Variants in WNT5A observed in about 807,000 individuals in gnomAD.
WNT5A encodes the protein Wnt family member 5A.
A neutral mutation model predicts 42.1 loss-of-function variants in WNT5A; 9 were observed. That is an observed-to-expected ratio of 0.21 (90% CI 0.13 to 0.37). WNT5A has a LOEUF of 0.37. Among genes scored for constraint, WNT5A ranks in the 10% least tolerant of loss-of-function variants. WNT5A has a pLI of 1.00. For synonymous variants in WNT5A, 210 were observed against 210.0 expected (o/e 1.00, Z 0.00); for missense variants, 426 against 534.0 (o/e 0.80, Z 1.99).
upstream of WNT5A, chr3:55,493,810 A>T (rs2051687290): frequency 6.6e-6 from 1 of 152,240 alleles, no homozygotes; most frequent in African/African-American, 2.4e-5. Flanking sequence ...ATGTGTCCCC[A>T]CTTTTTCCCT....
chr3:55,474,994 C>T (rs9823604), intron 3 of WNT5A, among the ~76,000 whole-genome samples: 44 of 151,910 alleles, frequency 2.9e-4, no homozygotes, highest in African/African-American at 6.3e-4. Flanking sequence ...CCTTAACACG[C>T]ACCAGGCCCT....
At chr3:55,482,569 G>A (rs992504316) in intron 1 of WNT5A, among the ~76,000 whole-genome samples, 1 of 152,160 alleles carries the variant, frequency 6.6e-6, no homozygotes, top group Non-Finnish European at 1.5e-5. Flanking sequence ...GTTTTTCTCC[G>A]TGAGCCGCCC....
intron 3 of WNT5A, 68 bp downstream of exon 3, chr3:55,479,245 TA>T: frequency 7.0e-7 from 1 of 1,427,024 alleles, no homozygotes; most frequent in South Asian, 1.7e-5. Context: ...AAGCATGAAG[TA>T]AATGCTAAGG....
intron 4 of WNT5A, among the ~76,000 whole-genome samples, chr3:55,473,870 G>C (rs753630415): frequency 1.3e-5 from 2 of 152,210 alleles, no homozygotes; most frequent in African/African-American, 4.8e-5. Context: ...AGGCAGGAGG[G>C]AGAAAGTTAT....
Position 55,467,753 on chromosome 3 carries a change from T to C in WNT5A, c.*2339A>G, listed in dbSNP as rs1480563400. The C allele has an allele frequency of 6.6e-6, 1 of 152,438 alleles. No individual in the cohort carries two copies. The highest frequency in any genetic ancestry group is 2.4e-5 in the African/African-American group (1 of 41,450). 9.4% of individuals were successfully genotyped at this position (152,438 alleles called of 1,614,324 possible). On this transcript the variant is annotated 3_prime_UTR_variant, in exon 5 of 5. Transcript: ENST00000264634. ...CATAATATCTGAATGACATGTAGAA[T>C]ATTTTACATTAAATAGTTTCTTTTA... is the stretch of plus-strand genomic sequence containing the variant.
At chr3:55,474,214 G>T in intron 4 of WNT5A, 123 bp downstream of exon 4, 1 of 1,239,698 alleles carries the variant, frequency 8.1e-7, no homozygotes, top group South Asian at 1.4e-5. Context: ...GAGAGATAGA[G>T]ACAGGACCAT....
intron 1 of WNT5A, among the ~76,000 whole-genome samples, chr3:55,485,652 G>C (rs1047081757): frequency 2.9e-5 from 3 of 104,312 alleles, no homozygotes; most frequent in African/African-American, 1.5e-4. Flanking sequence ...GGCAGTGAAT[G>C]TGCGAAGGTG....
chr3:55,497,376 G>A, the WNT5A span: 4 of 152,240 alleles, frequency 2.6e-5, no homozygotes, highest in Non-Finnish European at 5.9e-5. Context: ...CAGCAAGCAA[G>A]TGAGTCACTC....
At chr3:55,501,207 T>C in the WNT5A span, among the ~76,000 whole-genome samples, 1 of 152,218 alleles carries the variant, frequency 6.6e-6, no homozygotes, top group Non-Finnish European at 1.5e-5. Context: ...TGTGCTAATA[T>C]CCAGTTATAT....
At chr3:55,491,558 C>G (rs1244336758), upstream of WNT5A, among the ~76,000 whole-genome samples, 1 of 152,218 alleles carries the variant, frequency 6.6e-6, no homozygotes, top group Non-Finnish European at 1.5e-5. Context: ...ACGACTGCAT[C>G]CCTGTGCCGC....
At position 55,474,576 on chromosome 3, in the gene WNT5A, C is replaced by T. The variant is rs1335027961; in HGVS notation, c.445G>A (p.Ala149Thr). ...CCCTCGCGGCACGCCCGGCTCATGG[C>T]GTTCACCACCCCTGCTGCGCTCACC... ...YAVSAAGVVN[A>T]MSRACREGEL... Residue 149 changes from alanine (A) to threonine (T), a missense_variant, in exon 4 of 5, where the codon GCC (alanine) becomes ACC (threonine). Ala to Thr is a moderately conservative substitution (Grantham distance 58). Around this residue, in one of 3 missense-constraint regions of WNT5A, gnomAD observed 358 missense variants for 468.1 expected, o/e 0.76. Transcript: ENST00000264634. 6.7e-7 allele frequency: 1 copy of T among 1,500,368 alleles called. No homozygotes were observed. The highest frequency in any genetic ancestry group is 8.9e-7 in the Non-Finnish European group (1 of 1,129,024). The allele number at this position is 1,500,368 out of a possible 1,614,324, so 92.9% of individuals were successfully genotyped here.
chr3:55,499,977 C>CCCG, the WNT5A span, among the ~76,000 whole-genome samples: 1 of 54,092 alleles, frequency 1.8e-5, no homozygotes, highest in African/African-American at 2.2e-4. Context: ...TCCATCCCCC[C>CCCG]TCCAAAAAAA....
Position 55,487,256 on chromosome 3 carries a change from G to C in WNT5A, c.-271C>G. On this transcript the variant is annotated 5_prime_UTR_variant, in exon 1 of 5. Transcript: ENST00000264634. ...CCGGCAGCAAGGGCAGGGCCTGGTCGGGGCGCAACTAGGGAGCCGCCGGTC... is the reference window on the plus strand; with the variant it reads ...CCGGCAGCAAGGGCAGGGCCTGGTCCGGGCGCAACTAGGGAGCCGCCGGTC... 2.1e-6 allele frequency: 1 copy of C among 469,968 alleles called. No homozygotes were observed. The allele number at this position is 469,968 out of a possible 1,614,324, so 29.1% of individuals were successfully genotyped here.
At chr3:55,487,745 G>C (rs1421802554), upstream of WNT5A, 1 of 152,398 alleles carries the variant, frequency 6.6e-6, no homozygotes, top group Non-Finnish European at 1.5e-5. Context: ...TTTTCTCCGG[G>C]AGATGCCGCT....
At position 55,470,200 on chromosome 3, in the gene WNT5A, G is replaced by C; in HGVS notation, c.1035C>G (p.Asp345Glu). ...CELMCCGRGY[D>E]QFKTVQTERC... ...GCTCCGTCTGCACGGTCTTGAACTG[G>C]TCGTAGCCACGGCCGCAGCACATGA... The change falls in exon 5 of 5, where the codon GAC (aspartate) becomes GAG (glutamate). Residue 345 changes from aspartate (D) to glutamate (E), a missense_variant. Around this residue, in one of 3 missense-constraint regions of WNT5A, gnomAD observed 358 missense variants for 468.1 expected, o/e 0.76. Transcript: ENST00000264634. The C allele has an allele frequency of 6.2e-7, 1 of 1,614,044 alleles. No homozygotes were observed. The highest frequency in any genetic ancestry group is 8.5e-7 in the Non-Finnish European group (1 of 1,179,952).
chr3:55,476,352 C>T (rs904269597), intron 3 of WNT5A, among the ~76,000 whole-genome samples: 6 of 152,118 alleles, frequency 3.9e-5, no homozygotes, highest in African/African-American at 7.2e-5. Context: ...TCCTGTGATG[C>T]GTTACACCTA....
chr3:55,495,951 G>A, the WNT5A span, among the ~76,000 whole-genome samples: 1 of 152,188 alleles, frequency 6.6e-6, no homozygotes, highest in East Asian at 1.9e-4. Context: ...ACATCAAGCT[G>A]TACACAAAAC....
intron 3 of WNT5A, among the ~76,000 whole-genome samples, chr3:55,478,464 T>C (rs2051396603): frequency 6.6e-6 from 1 of 152,156 alleles, no homozygotes; most frequent in African/African-American, 2.4e-5. Flanking sequence ...TGCATAAAAG[T>C]AGAGAAACCT....
At chr3:55,477,868 A>T (rs1292153772) in intron 3 of WNT5A, among the ~76,000 whole-genome samples, 2 of 152,080 alleles carry the variant, frequency 1.3e-5, no homozygotes, top group African/African-American at 4.8e-5. Flanking sequence ...ATTTTTGCTA[A>T]CTCATATACA....
Sources: gnomAD v4.1 joint callset for allele counts (sites outside exome capture counted in the v4.1 genomes callset) on GRCh38, gnomAD v4.1.1 for gene constraint, gnomAD v4.1.1 regional missense constraint, MANE v1.5 for transcripts, NCBI Gene and HGNC (gene_info 2026-07-23, HGNC 2026-07-21) for gene names.